The following WWTR1 variants were observed in gnomAD, a reference collection of about 807,000 sequenced individuals.
WWTR1 encodes the protein WW domain-containing transcription regulator protein 1.
WWTR1 carries 13 observed loss-of-function variants against 40.1 expected under a neutral mutation model. That is an observed-to-expected ratio of 0.32 (90% CI 0.21 to 0.52). The LOEUF (loss-of-function observed/expected upper bound fraction) is 0.52, where lower values mean the gene tolerates loss of function less well. Among genes scored for constraint, WWTR1 ranks in the 20% least tolerant of loss-of-function variants. WWTR1 has a pLI of 0.97. For synonymous variants in WWTR1, 230 were observed against 210.1 expected (o/e 1.09, Z -0.82); for missense variants, 436 against 523.1 (o/e 0.83, Z 1.63).
At chr3:149,547,363 A>G (rs1316131101) in intron 3 of WWTR1, among the ~76,000 whole-genome samples, 1 of 152,002 alleles carries the variant, frequency 6.6e-6, no homozygotes, top group Non-Finnish European at 1.5e-5. Context: ...CGTCTCTACT[A>G]AAAATACAAA....
chr3:149,528,002 C>T (rs112128311), intron 4 of WWTR1, 33 bp from the exon 5 acceptor site: 2 of 1,599,220 alleles, frequency 1.3e-6, no homozygotes, highest in East Asian at 2.2e-5. Context: ...GAGTCATGCA[C>T]TCATTGTCAC....
intron 2 of WWTR1, among the ~76,000 whole-genome samples, chr3:149,622,208 A>C (rs1259103211): frequency 6.6e-6 from 1 of 152,070 alleles, no homozygotes; most frequent in African/African-American, 2.4e-5. Flanking sequence ...TTCAGGTATA[A>C]CCTTAAAGCA....
At chr3:149,590,234 T>C (rs985054673) in intron 2 of WWTR1, among the ~76,000 whole-genome samples, 1 of 152,190 alleles carries the variant, frequency 6.6e-6, no homozygotes, top group East Asian at 1.9e-4. Flanking sequence ...AGTCATAATA[T>C]TCACAATAAC....
At chr3:149,710,486 A>C (rs1283053512) in intron 5 of WWTR1, among the ~76,000 whole-genome samples, 2 of 150,946 alleles carry the variant, frequency 1.3e-5, no homozygotes, top group Non-Finnish European at 2.9e-5. Context: ...AAATAAGTTT[A>C]ATTATACTAC....
chr3:149,622,509 G>GAAAGAAAGA (rs1553800298), intron 2 of WWTR1, among the ~76,000 whole-genome samples: 1 of 139,312 alleles, frequency 7.2e-6, no homozygotes, highest in African/African-American at 2.8e-5. Context: ...AAGGAAGAAA[G>GAAAGAAAGA]AAAGAAAGAA....
intron 3 of WWTR1, among the ~76,000 whole-genome samples, chr3:149,549,521 G>A (rs1174945297): frequency 6.6e-6 from 1 of 152,166 alleles, no homozygotes; most frequent in Non-Finnish European, 1.5e-5. Flanking sequence ...CAGCCAAAAG[G>A]AGCCTAAGGA....
At chr3:149,687,919 T>C (rs1714704178) in intron 1 of WWTR1, among the ~76,000 whole-genome samples, 1 of 151,778 alleles carries the variant, frequency 6.6e-6, no homozygotes. Context: ...ACCTGCTTAC[T>C]AAAGGGTCCT....
At chr3:149,701,907 CT>C (rs1715192280) in intron 1 of WWTR1, 1 of 178,016 alleles carries the variant, frequency 5.6e-6, no homozygotes, top group Non-Finnish European at 1.2e-5. Flanking sequence ...GCCTTTGCCT[CT>C]TGGGTTGTTG....
chr3:149,703,475 T>A (rs923841493), upstream of WWTR1: 1 of 152,232 alleles, frequency 6.6e-6, no homozygotes, highest in Non-Finnish European at 1.5e-5. Flanking sequence ...CTCAGGCACA[T>A]TACTTTATCT....
At chr3:149,565,480 C>A (rs911310829) in intron 3 of WWTR1, among the ~76,000 whole-genome samples, 5 of 151,894 alleles carry the variant, frequency 3.3e-5, no homozygotes. Flanking sequence ...TGGAACATAG[C>A]CATGAAAACA....
chr3:149,631,639 G>T (rs138108832), intron 2 of WWTR1, among the ~76,000 whole-genome samples: 225 of 152,242 alleles, frequency 1.5e-3, no homozygotes, highest in African/African-American at 4.9e-3. Context: ...CACAAAGAAT[G>T]AAATTACACT....
intron 1 of WWTR1, among the ~76,000 whole-genome samples, chr3:149,681,906 C>T (rs13083730): frequency 0.29 from 44,382 of 151,802 alleles, 6,828 homozygotes; most frequent in Admixed American, 0.39. Context: ...GAAGAGAAAA[C>T]AGGGAGTTGC....
intron 2 of WWTR1, among the ~76,000 whole-genome samples, chr3:149,602,756 C>T (rs151174262): frequency 6.6e-6 from 1 of 152,250 alleles, no homozygotes; most frequent in African/African-American, 2.4e-5. Context: ...CCTCTGCTGT[C>T]CAGTTTCAAG....
chr3:149,566,881 T>TA (rs965479310), intron 3 of WWTR1, among the ~76,000 whole-genome samples: 1 of 152,042 alleles, frequency 6.6e-6, no homozygotes, highest in Non-Finnish European at 1.5e-5. Flanking sequence ...CTGGAGGACT[T>TA]AGACTCTGGG....
intron 3 of WWTR1, among the ~76,000 whole-genome samples, chr3:149,572,416 A>G (rs576201818): frequency 2.0e-5 from 3 of 152,298 alleles, no homozygotes; most frequent in African/African-American, 7.2e-5. Context: ...AGGCTAGATG[A>G]AGACAGGAGG....
intron 6 of WWTR1, among the ~76,000 whole-genome samples, chr3:149,523,410 A>AGCT (rs1735154460): frequency 6.6e-6 from 1 of 151,988 alleles, no homozygotes. Context: ...CACCACGCCC[A>AGCT]GCTAATTTTG....
chr3:149,540,119 C>CACACACAT, intron 4 of WWTR1: 1 of 417,360 alleles, frequency 2.4e-6, no homozygotes, highest in Non-Finnish European at 4.7e-6. Context: ...CACACACACA[C>CACACACAT]ACACAGAGTC....
chr3:149,650,453 T>A (rs1025110895), intron 2 of WWTR1, among the ~76,000 whole-genome samples: 1 of 152,200 alleles, frequency 6.6e-6, no homozygotes, highest in Non-Finnish European at 1.5e-5. Context: ...ATATACCTGT[T>A]CATGGGATCA....
intron 2 of WWTR1, among the ~76,000 whole-genome samples, chr3:149,622,564 C>T (rs1249669796): frequency 6.8e-6 from 1 of 146,064 alleles, no homozygotes; most frequent in Non-Finnish European, 1.5e-5. Flanking sequence ...AGCAAGTGAG[C>T]GTGCGTCCAG....
Sources: gnomAD v4.1 joint callset for allele counts (sites outside exome capture counted in the v4.1 genomes callset) on GRCh38, gnomAD v4.1.1 for gene constraint, MANE v1.5 for transcripts, NCBI Gene and HGNC (gene_info 2026-07-23, HGNC 2026-07-21) for gene names.